The following CCDC57 variants were observed in gnomAD, a reference collection of about 807,000 sequenced individuals.
CCDC57 encodes coiled-coil domain-containing protein 57.
A neutral mutation model predicts 118.9 loss-of-function variants in CCDC57; 118 were observed. The ratio of observed to expected loss-of-function variants is 0.99; its 90% CI spans 0.86 to 1.16. CCDC57 has a LOEUF of 1.16. Ranked by LOEUF, CCDC57 falls within the 50% of genes most tolerant of loss-of-function variation. CCDC57 has a pLI of 0.00. For synonymous variants in CCDC57, 527 were observed against 532.9 expected (o/e 0.99, Z 0.15); for missense variants, 1,300 against 1,320.7 (o/e 0.98, Z 0.24).
rs71166188 is a variant in CCDC57 at position 82,132,759 on chromosome 17, C to CTTTTTTTTTTTTTTTTTTTTTTTT, written c.2577+1313_2577+1314insAAAAAAAAAAAAAAAAAAAAAAAA. On this transcript the variant is annotated intron_variant, in intron 17 of 19. Coordinates refer to ENST00000665763, the Ensembl canonical transcript of CCDC57. ...TTATCTTTCTGTAGAGACAACCTTG[C>CTTTTTTTTTTTTTTTTTTTTTTTT]TTTTTTTTTTTTTTTTTTGAGACGG... is the stretch of plus-strand genomic sequence containing the variant. Among the ~76,000 whole-genome samples the CTTTTTTTTTTTTTTTTTTTTTTTT allele has an allele frequency of 4.0e-5, 5 of 123,948 alleles. 2 individuals are homozygous for CTTTTTTTTTTTTTTTTTTTTTTTT. Among genetic ancestry groups the CTTTTTTTTTTTTTTTTTTTTTTTT allele is most frequent in the African/African-American group, 6.1e-5 (2 of 32,832 alleles). The allele number at this position is 123,948 out of a possible 152,430, so 81.3% of individuals were successfully genotyped here.
At chr17:82,167,771 G>T (rs1040037609) in intron 13 of CCDC57, among the ~76,000 whole-genome samples, 14 of 151,508 alleles carry the variant, frequency 9.2e-5, no homozygotes, top group African/African-American at 3.4e-4. Flanking sequence ...GTGCGCCACC[G>T]TGCCCAGCTA....
At chr17:82,183,718 A>C in intron 9 of CCDC57, 56 bp downstream of exon 8, 1 of 1,508,098 alleles carries the variant, frequency 6.6e-7, no homozygotes, top group Non-Finnish European at 9.0e-7. Context: ...TAGTACCTAC[A>C]ACAGCACCTG....
intron 19 of CCDC57, chr17:82,107,767 G>A (rs945735721): frequency 2.4e-5 from 9 of 373,966 alleles, no homozygotes; most frequent in African/African-American, 1.3e-4. Flanking sequence ...GTGGACCGGC[G>A]TCCACCTGAG....
At chr17:82,143,330 G>A (rs904526076) in intron 16 of CCDC57, among the ~76,000 whole-genome samples, 1 of 152,002 alleles carries the variant, frequency 6.6e-6, no homozygotes, top group African/African-American at 2.4e-5. Context: ...TAAGAAATCA[G>A]GAGAAGAACA....
At chr17:82,132,094 G>T (rs1341291554) in intron 17 of CCDC57, among the ~76,000 whole-genome samples, 1 of 145,850 alleles carries the variant, frequency 6.9e-6, no homozygotes, top group East Asian at 2.0e-4. Context: ...CTCCAGCCTT[G>T]GGTGACAGAG....
chr17:82,212,547 C>G lies in CCDC57; in HGVS notation c.-211+238G>C, dbSNP rs945158558. ...CCGCCCCAGGTCACCCACGGGAGAC[C>G]GAGGGAACGCTCCCGCTCCACGCGG... On this transcript the variant is annotated intron_variant, in intron 1 of 19. Transcript: ENST00000665763. The surrounding 1 kb of genome is among the most constrained non-coding windows in gnomAD (Gnocchi z 4.1). Among the ~76,000 whole-genome samples the G allele has an allele frequency of 6.6e-6, 1 of 152,032 alleles. No homozygotes were observed. The highest frequency in any genetic ancestry group is 6.5e-5 in the Admixed American group (1 of 15,274).
intron 19 of CCDC57, chr17:82,113,083 T>C (rs1309601550): frequency 2.4e-6 from 1 of 416,636 alleles, no homozygotes; most frequent in African/African-American, 2.0e-5. Context: ...ACAAGTTACT[T>C]TCCTAAGTGG....
chr17:82,131,092 C>A (rs1401924652), intron 17 of CCDC57, among the ~76,000 whole-genome samples: 1 of 150,750 alleles, frequency 6.6e-6, no homozygotes, highest in Non-Finnish European at 1.5e-5. Flanking sequence ...GGATTACAGG[C>A]ATGAGCCACT....
chr17:82,198,828 A>G (rs2048618371), intron 3 of CCDC57, among the ~76,000 whole-genome samples: 1 of 151,886 alleles, frequency 6.6e-6, no homozygotes, highest in Non-Finnish European at 1.5e-5. Context: ...GTCTCTACAA[A>G]AAAATACAAA....
At chr17:82,171,670 C>T (rs771178092) in intron 13 of CCDC57, 31 bp downstream of exon 12, 13 of 1,596,114 alleles carry the variant, frequency 8.1e-6, no homozygotes, top group Non-Finnish European at 8.6e-7. Context: ...TATAAGGGGA[C>T]AGCAAGTACC....
At chr17:82,165,649 G>C (rs1462282573) in intron 13 of CCDC57, among the ~76,000 whole-genome samples, 1 of 152,172 alleles carries the variant, frequency 6.6e-6, no homozygotes, top group Non-Finnish European at 1.5e-5. Context: ...GAGAGCATGT[G>C]GGGAGGGTCA....
At chr17:82,143,181 T>C (rs957303116) in intron 16 of CCDC57, among the ~76,000 whole-genome samples, 1 of 150,006 alleles carries the variant, frequency 6.7e-6, no homozygotes, top group African/African-American at 2.4e-5. Flanking sequence ...TGGCAGGCTA[T>C]AGAGACAATG....
intron 9 of CCDC57, among the ~76,000 whole-genome samples, chr17:82,180,417 C>G (rs1165613025): frequency 6.6e-6 from 1 of 152,266 alleles, no homozygotes; most frequent in Non-Finnish European, 1.5e-5. Flanking sequence ...GTGTTTAAAG[C>G]AGCTAAGCTG....
rs1015242818 is a variant in CCDC57, at chr17:82,141,195, T to C, written c.2456-7001A>G. On this transcript the variant is annotated intron_variant, in intron 16 of 19. Coordinates refer to ENST00000665763, the Ensembl canonical transcript of CCDC57. ...CCGGCTAATTTTTTTTTTTTTTTTT[T>C]TTTTGTGAGACAGAGTCTTGCTCTT... 7.8e-3 allele frequency among the ~76,000 whole-genome samples: 1,076 copies of C among 137,888 alleles called. 5 individuals are homozygous for C. Among genetic ancestry groups the C allele is most frequent in the Non-Finnish European group, 0.013 (827 of 64,234 alleles). The allele number at this position is 137,888 out of a possible 152,430, so 90.5% of individuals were successfully genotyped here.
At chr17:82,190,068 C>T (rs1284606050) in intron 7 of CCDC57, among the ~76,000 whole-genome samples, 1 of 152,100 alleles carries the variant, frequency 6.6e-6, no homozygotes, top group Non-Finnish European at 1.5e-5. Context: ...CAGTTTGTCT[C>T]TCCAGTAAAT....
rs190420840 is a variant in CCDC57 at position 82,131,538 on chromosome 17, T to G, written c.2577+2535A>C. On this transcript the variant is annotated intron_variant, in intron 17 of 19. Coordinates refer to ENST00000665763, the Ensembl canonical transcript of CCDC57. ...GGCAAATTGCTTCAGTCCAGGAGTT[T>G]GAGACCAGCCTGAGTGACACGGTGA... is the stretch of plus-strand genomic sequence containing the variant. 7.2e-5 allele frequency among the ~76,000 whole-genome samples: 11 copies of G among 151,928 alleles called. No homozygotes were observed. In the East Asian group the frequency reaches 2.2e-3, roughly 30 times the overall value.
intron 16 of CCDC57, among the ~76,000 whole-genome samples, chr17:82,135,915 A>G (rs1452838516): frequency 6.6e-6 from 1 of 152,182 alleles, no homozygotes; most frequent in Non-Finnish European, 1.5e-5. Flanking sequence ...AAATTTTTTT[A>G]AATATAAAAA....
At chr17:82,137,695 G>C (rs1248870444) in intron 16 of CCDC57, among the ~76,000 whole-genome samples, 1 of 143,674 alleles carries the variant, frequency 7.0e-6, no homozygotes, top group Non-Finnish European at 1.5e-5. Flanking sequence ...TTTTTTTTGA[G>C]ATGGAGTCTC....
At chr17:82,188,249 G>C (rs772788642) in exon 8 of CCDC57, 2 of 1,560,314 alleles carry the variant, frequency 1.3e-6, no homozygotes, top group South Asian at 2.4e-5. Flanking sequence ...CTCCTTGGCG[G>C]TGTCAGCCTG....
Sources: allele counts gnomAD v4.1 joint callset (sites outside exome capture counted in the v4.1 genomes callset), GRCh38; gene constraint gnomAD v4.1.1; non-coding constraint Gnocchi (gnomAD v3.1); transcripts MANE v1.5; gene names NCBI Gene and HGNC (gene_info 2026-07-23, HGNC 2026-07-21).